Variants in GRIK4 observed in about 807,000 individuals in gnomAD.
The protein encoded by GRIK4 is glutamate receptor ionotropic, kainate 4.
A neutral mutation model predicts 104.9 loss-of-function variants in GRIK4; 40 were observed. The observed-to-expected ratio is 0.38, with a 90% CI of 0.30 to 0.50. GRIK4 has a LOEUF of 0.50. GRIK4 is among the 20% of genes least tolerant of loss of function. The pLI is 0.93. For synonymous variants in GRIK4, 485 were observed against 524.9 expected (o/e 0.92, Z 1.04); for missense variants, 1,047 against 1,308.1 (o/e 0.80, Z 3.08).
intron 3 of GRIK4, among the ~76,000 whole-genome samples, chr11:120,717,081 G>A (rs533994641): frequency 1.3e-5 from 2 of 152,302 alleles, no homozygotes; most frequent in East Asian, 3.9e-4. Flanking sequence ...GCTCTGACAG[G>A]CAGTTTGGGG....
chr11:120,541,735 T>C (rs1376856816), intron 1 of GRIK4, among the ~76,000 whole-genome samples: 1 of 152,224 alleles, frequency 6.6e-6, no homozygotes, highest in Admixed American at 6.5e-5. Context: ...GCAATCTGCC[T>C]GCCTTGATTT....
intron 1 of GRIK4, among the ~76,000 whole-genome samples, chr11:120,609,202 C>T (rs557361841): frequency 6.6e-6 from 1 of 152,150 alleles, no homozygotes; most frequent in African/African-American, 2.4e-5. Context: ...CCCCCAGCCC[C>T]TCCCACCTCG....
chr11:120,934,820 G>A (rs997476076), intron 13 of GRIK4, among the ~76,000 whole-genome samples: 6 of 152,200 alleles, frequency 3.9e-5, no homozygotes, highest in African/African-American at 7.2e-5. Context: ...CATGGGATGC[G>A]TGGAGCACTC....
intron 1 of GRIK4, among the ~76,000 whole-genome samples, chr11:120,520,394 C>T (rs1271661620): frequency 6.6e-6 from 1 of 152,198 alleles, no homozygotes; most frequent in African/African-American, 2.4e-5. Flanking sequence ...GTGAGAGGGT[C>T]ACTGGCAGTA....
intron 3 of GRIK4, among the ~76,000 whole-genome samples, chr11:120,799,486 A>T (rs1952584697): frequency 6.6e-6 from 1 of 152,192 alleles, no homozygotes; most frequent in South Asian, 2.1e-4. Flanking sequence ...TTCGCAGCAA[A>T]TCCTTGAGTT....
rs145315585 is a variant in GRIK4, at chr11:120,665,703, T to G, written c.82+5303T>G. 5.9e-3 allele frequency among the ~76,000 whole-genome samples: 902 copies of G among 152,306 alleles called. 3 individuals carry two copies. Among genetic ancestry groups the G allele is most frequent in the Non-Finnish European group, 9.0e-3 (615 of 68,018 alleles). On this transcript the variant is annotated intron_variant, in intron 3 of 20. Transcript: ENST00000527524. Reference sequence around the variant, plus strand: ...TATTGTCAGCCCATAAAATACATAATTAGGAGAGTAAATATTTTACCAAAA... The same window carrying G: ...TATTGTCAGCCCATAAAATACATAAGTAGGAGAGTAAATATTTTACCAAAA...
At chr11:120,632,022 G>A (rs1204230826) in intron 1 of GRIK4, among the ~76,000 whole-genome samples, 1 of 152,168 alleles carries the variant, frequency 6.6e-6, no homozygotes, top group Non-Finnish European at 1.5e-5. Flanking sequence ...GGAAATGAAT[G>A]GCAGTACCCA....
intron 5 of GRIK4, among the ~76,000 whole-genome samples, chr11:120,818,159 A>T (rs946164544): frequency 2.0e-4 from 30 of 152,298 alleles, no homozygotes; most frequent in African/African-American, 7.2e-4. Flanking sequence ...TAAGGGGTCC[A>T]CAGTACTAGG....
intron 1 of GRIK4, among the ~76,000 whole-genome samples, chr11:120,532,318 G>A (rs954854690): frequency 6.6e-6 from 1 of 152,076 alleles, no homozygotes; most frequent in Non-Finnish European, 1.5e-5. Context: ...CTTTGATCCG[G>A]CTGCCCTTGT....
intron 3 of GRIK4, among the ~76,000 whole-genome samples, chr11:120,694,783 A>G (rs1249581387): frequency 6.6e-6 from 1 of 152,162 alleles, no homozygotes; most frequent in African/African-American, 2.4e-5. Flanking sequence ...GCCCGGGTTC[A>G]TTGTTGTCTT....
chr11:120,984,501 G>C (rs1944704567), intron 20 of GRIK4, among the ~76,000 whole-genome samples: 1 of 151,908 alleles, frequency 6.6e-6, no homozygotes, highest in Non-Finnish European at 1.5e-5. Context: ...AGGCACAGTG[G>C]CTCACGCCTG....
At chr11:120,647,575 C>A (rs553938210) in intron 1 of GRIK4, among the ~76,000 whole-genome samples, 1 of 152,352 alleles carries the variant, frequency 6.6e-6, no homozygotes, top group African/African-American at 2.4e-5. Flanking sequence ...CACCATCCTT[C>A]GAACAGCCCT....
At chr11:120,649,151 G>C (rs1949583085) in intron 1 of GRIK4, among the ~76,000 whole-genome samples, 2 of 152,166 alleles carry the variant, frequency 1.3e-5, no homozygotes. Context: ...CGAACCTTCA[G>C]CAGGACACCG....
chr11:120,743,264 C>CT (rs922985465), intron 3 of GRIK4, among the ~76,000 whole-genome samples: 2 of 151,616 alleles, frequency 1.3e-5, no homozygotes, highest in East Asian at 3.9e-4. Flanking sequence ...GAGATTATGT[C>CT]TTTTGCAGGA....
At chr11:120,768,856 A>G (rs80350694) in intron 3 of GRIK4, among the ~76,000 whole-genome samples, 3,850 of 152,288 alleles carry the variant, frequency 0.025, 146 homozygotes, top group African/African-American at 0.088. Context: ...TGAATTGCAT[A>G]TGTTAAACCA....
intron 1 of GRIK4, among the ~76,000 whole-genome samples, chr11:120,600,102 A>G (rs1404012118): frequency 1.3e-5 from 2 of 152,200 alleles, no homozygotes; most frequent in South Asian, 2.1e-4. Flanking sequence ...CAGGGAGAGT[A>G]GTGCTGGCAG....
At chr11:120,943,703 T>C (rs1398048763) in intron 14 of GRIK4, among the ~76,000 whole-genome samples, 1 of 152,250 alleles carries the variant, frequency 6.6e-6, no homozygotes, top group Admixed American at 6.5e-5. Flanking sequence ...AGAATGTCTA[T>C]GTTAGTTCTA....
chr11:120,775,302 C>CA lies in GRIK4; in HGVS notation c.83-27391_83-27390insA, dbSNP rs60763578. The stretch of plus-strand genomic sequence containing the variant: ...ACACAAGCCATACAAGAGAGCCCCC[C>CA]TAAGTGGTGAAATGTCTGATGACGG... On this transcript the variant is annotated intron_variant, in intron 3 of 20. Transcript: ENST00000527524. 4.4e-3 allele frequency among the ~76,000 whole-genome samples: 672 copies of CA among 152,268 alleles called. 6 individuals are homozygous for CA. Among genetic ancestry groups the CA allele is most frequent in the African/African-American group, 0.016 (653 of 41,558 alleles).
intron 8 of GRIK4, among the ~76,000 whole-genome samples, chr11:120,843,615 T>C (rs1208102079): frequency 6.6e-6 from 1 of 152,238 alleles, no homozygotes; most frequent in Non-Finnish European, 1.5e-5. Context: ...GACACAGTTT[T>C]ATCCCTGTTT....
Sources: allele counts gnomAD v4.1 joint callset (sites outside exome capture counted in the v4.1 genomes callset), GRCh38; gene constraint gnomAD v4.1.1; transcripts MANE v1.5; gene names NCBI Gene and HGNC (gene_info 2026-07-23, HGNC 2026-07-21).